The following MYO1D variants were observed in gnomAD, a reference collection of about 807,000 sequenced individuals.
MYO1D encodes the protein unconventional myosin-Id.
In MYO1D, 83 loss-of-function variants were observed where a neutral mutation model predicts 122.0. The observed-to-expected ratio is 0.68, with a 90% CI of 0.57 to 0.82. The LOEUF (loss-of-function observed/expected upper bound fraction) is 0.82. Ranked by LOEUF, MYO1D falls within the 40% of genes least tolerant of loss-of-function variation. The probability of loss-of-function intolerance (pLI) is 0.00; values close to 1 mark genes in which losing one functional copy is unlikely to be tolerated. For synonymous variants in MYO1D, 464 were observed against 446.9 expected (o/e 1.04, Z -0.48); for missense variants, 1,157 against 1,269.5 (o/e 0.91, Z 1.35).
At chr17:32,595,015 G>T (rs895566640) in intron 21 of MYO1D, among the ~76,000 whole-genome samples, 1 of 152,172 alleles carries the variant, frequency 6.6e-6, no homozygotes, top group Non-Finnish European at 1.5e-5. Context: ...CCAGCCCACA[G>T]CCCTTTTAGT....
intron 1 of MYO1D, among the ~76,000 whole-genome samples, chr17:32,872,035 C>A (rs2091183819): frequency 6.6e-6 from 1 of 152,150 alleles, no homozygotes; most frequent in African/African-American, 2.4e-5. Context: ...TGGAAGCAGG[C>A]AGGACTCATA....
intron 1 of MYO1D, among the ~76,000 whole-genome samples, chr17:32,874,922 C>G (rs1387992371): frequency 6.6e-6 from 1 of 152,098 alleles, no homozygotes; most frequent in Non-Finnish European, 1.5e-5. Context: ...TGCCTTCCCT[C>G]AATTTACTTT....
chr17:32,760,431 T>C (rs1481105961), intron 9 of MYO1D, 27 bp from the exon 10 acceptor site: 3 of 1,604,232 alleles, frequency 1.9e-6, no homozygotes, highest in Non-Finnish European at 1.7e-6. Context: ...AAATTAAGTT[T>C]CAACAAATAG....
At chr17:32,801,481 C>T (rs1779464910) in intron 1 of MYO1D, among the ~76,000 whole-genome samples, 1 of 152,084 alleles carries the variant, frequency 6.6e-6, no homozygotes, top group African/African-American at 2.4e-5. Context: ...AAGTGGCCTG[C>T]ATGGCAGGGG....
chr17:32,690,375 G>A (rs527326388), intron 16 of MYO1D, among the ~76,000 whole-genome samples: 2 of 152,092 alleles, frequency 1.3e-5, no homozygotes, highest in East Asian at 3.9e-4. Context: ...GGGTTTCACT[G>A]TGTTGCCCAG....
chr17:32,635,789 C>A (rs1270982667), intron 20 of MYO1D, among the ~76,000 whole-genome samples: 1 of 152,008 alleles, frequency 6.6e-6, no homozygotes, highest in African/African-American at 2.4e-5. Flanking sequence ...AGGAAAGGAG[C>A]CTCTATAGAA....
intron 1 of MYO1D, among the ~76,000 whole-genome samples, chr17:32,806,478 C>G (rs2090514254): frequency 6.6e-6 from 1 of 152,090 alleles, no homozygotes; most frequent in South Asian, 2.1e-4. Context: ...ATTCTCTCAC[C>G]TCAGCCTCCT....
intron 16 of MYO1D, among the ~76,000 whole-genome samples, chr17:32,677,880 CTTT>C (rs1161997723): frequency 6.6e-6 from 1 of 151,838 alleles, no homozygotes; most frequent in Non-Finnish European, 1.5e-5. Flanking sequence ...TCTTTTTTGT[CTTT>C]TTTAATTCAT....
At chr17:32,512,159 G>A (rs138482741) in intron 21 of MYO1D, among the ~76,000 whole-genome samples, 1 of 152,298 alleles carries the variant, frequency 6.6e-6, no homozygotes, top group Admixed American at 6.5e-5. Flanking sequence ...AATTAGCCAG[G>A]TGTGGTGGTG....
chr17:32,622,294 T>G (rs1346723994), intron 20 of MYO1D, among the ~76,000 whole-genome samples: 1 of 152,098 alleles, frequency 6.6e-6, no homozygotes, highest in Non-Finnish European at 1.5e-5. Context: ...TTAAGCAGCA[T>G]CTTAACTGCT....
chr17:32,617,296 A>C (rs981647010), intron 20 of MYO1D, among the ~76,000 whole-genome samples: 2 of 152,156 alleles, frequency 1.3e-5, no homozygotes, highest in African/African-American at 4.8e-5. Context: ...TCAGTCTCCG[A>C]GTCCTCCCCA....
intron 14 of MYO1D, among the ~76,000 whole-genome samples, chr17:32,728,273 T>A (rs1185861366): frequency 6.6e-6 from 1 of 151,888 alleles, no homozygotes; most frequent in African/African-American, 2.4e-5. Context: ...TGGCGTGATC[T>A]CAGCTCATTG....
intron 21 of MYO1D, among the ~76,000 whole-genome samples, chr17:32,544,397 A>T (rs2086947043): frequency 6.6e-6 from 1 of 152,186 alleles, no homozygotes; most frequent in Non-Finnish European, 1.5e-5. Flanking sequence ...CACTGTGCCC[A>T]GCCTAAAGCT....
chr17:32,811,274 A>G (rs918836363), intron 1 of MYO1D, among the ~76,000 whole-genome samples: 1 of 152,212 alleles, frequency 6.6e-6, no homozygotes, highest in African/African-American at 2.4e-5. Context: ...GTAAACCTCT[A>G]CCAGTCAAAC....
intron 1 of MYO1D, among the ~76,000 whole-genome samples, chr17:32,803,961 AG>A (rs2090483963): frequency 6.6e-6 from 1 of 152,210 alleles, no homozygotes; most frequent in Admixed American, 6.5e-5. Context: ...AAGACAAGCA[AG>A]GAAGTTCCCT....
chr17:32,747,914 G>C (rs115250357), intron 12 of MYO1D, among the ~76,000 whole-genome samples: 2,226 of 152,224 alleles, frequency 0.015, 43 homozygotes, highest in African/African-American at 0.048. Context: ...AATGTGACTG[G>C]AGTGATGCAG....
chr17:32,842,805 C>G (rs1038120995), intron 1 of MYO1D, among the ~76,000 whole-genome samples: 2 of 152,104 alleles, frequency 1.3e-5, no homozygotes, highest in Admixed American at 1.3e-4. Context: ...TCTACCTAAC[C>G]CAAATCACTA....
In MYO1D at chr17:32,686,000, G is replaced by C. The variant is rs555532837; in HGVS notation, c.2121+25988C>G. ...TGACTGTTATATCCACCAAGTTTTA[G>C]AGTGATGTGGTAGGCTGAACAATGG... On this transcript the variant is annotated intron_variant, in intron 16 of 21. Transcript: ENST00000318217. Among the ~76,000 whole-genome samples, 39 of 152,274 alleles carry C rather than the reference G, an allele frequency of 2.6e-4. 1 individual carries two copies. Among genetic ancestry groups the C allele is most frequent in the Middle Eastern group, 3.4e-3 (1 of 294 alleles).
At chr17:32,551,925 A>C (rs1444943519) in intron 21 of MYO1D, among the ~76,000 whole-genome samples, 1 of 152,184 alleles carries the variant, frequency 6.6e-6, no homozygotes, top group Admixed American at 6.5e-5. Context: ...AGCATGTTCA[A>C]ATCTCCTCCA....
Sources: gnomAD v4.1 joint callset for allele counts (sites outside exome capture counted in the v4.1 genomes callset) on GRCh38, gnomAD v4.1.1 for gene constraint, MANE v1.5 for transcripts, NCBI Gene and HGNC (gene_info 2026-07-23, HGNC 2026-07-21) for gene names.